Variants in CRIM1 observed in about 807,000 individuals in gnomAD.
The protein encoded by CRIM1 is cysteine rich transmembrane BMP regulator 1.
In CRIM1, 32 loss-of-function variants were observed where a neutral mutation model predicts 116.4. The observed-to-expected ratio is 0.27, with a 90% CI of 0.21 to 0.37. The LOEUF is 0.37. Among genes scored for constraint, CRIM1 ranks in the 10% least tolerant of loss-of-function variants. The probability of loss-of-function intolerance (pLI) is 1.00; values close to 1 mark genes in which losing one functional copy is unlikely to be tolerated. For synonymous variants in CRIM1, 590 were observed against 509.2 expected, an observed-to-expected ratio of 1.16 and a Z score of -2.13; for missense variants, 1,331 against 1,354.8, an observed-to-expected ratio of 0.98 and a Z score of 0.28.
intron 4 of CRIM1, among the ~76,000 whole-genome samples, chr2:36,455,044 G>A (rs1038643715): frequency 1.3e-5 from 2 of 152,170 alleles, no homozygotes; most frequent in African/African-American, 4.8e-5. Flanking sequence ...AAAAGGAAAC[G>A]ATCTGGGGAG....
intron 4 of CRIM1, among the ~76,000 whole-genome samples, chr2:36,458,465 G>T (rs1277778671): frequency 6.6e-6 from 1 of 152,148 alleles, no homozygotes; most frequent in African/African-American, 2.4e-5. Flanking sequence ...CTTGCGCTTA[G>T]TTATGTAGGG....
intron 8 of CRIM1, among the ~76,000 whole-genome samples, chr2:36,503,119 G>A (rs1681119372): frequency 6.6e-6 from 1 of 152,122 alleles, no homozygotes; most frequent in Non-Finnish European, 1.5e-5. Flanking sequence ...CCACACCTTT[G>A]GGATGTCAGT....
chr2:36,482,953 T>C (rs1679530891), intron 7 of CRIM1, among the ~76,000 whole-genome samples: 1 of 152,208 alleles, frequency 6.6e-6, no homozygotes, highest in Admixed American at 6.5e-5. Context: ...ACTAGGGACA[T>C]GAACCTGGGG....
At chr2:36,541,247 C>A (rs1043624028) in intron 14 of CRIM1, among the ~76,000 whole-genome samples, 1 of 152,158 alleles carries the variant, frequency 6.6e-6, no homozygotes. Context: ...TATACCATCT[C>A]AGAAATGATG....
rs963727026 is a variant in CRIM1, at chr2:36,395,526, A to G, written c.332-1088A>G. Reference sequence around the variant, plus strand: ...ATGGCCCAAGGATTCACAGAGAGAAATAGTCTAATTTCCTATGAGGAATAT... The same window carrying G: ...ATGGCCCAAGGATTCACAGAGAGAAGTAGTCTAATTTCCTATGAGGAATAT... On this transcript the variant is annotated intron_variant, in intron 1 of 16. Coordinates refer to ENST00000280527, the MANE Select transcript of CRIM1 (RefSeq NM_016441.3). Among the ~76,000 whole-genome samples the G allele has an allele frequency of 5.3e-5, 8 of 152,334 alleles. No individual in the cohort carries two copies. In the East Asian group the frequency reaches 1.5e-3, roughly 29 times the overall value.
intron 1 of CRIM1, among the ~76,000 whole-genome samples, chr2:36,393,153 T>C (rs1274074074): frequency 6.6e-6 from 1 of 152,204 alleles, no homozygotes; most frequent in Admixed American, 6.5e-5. Context: ...GGACTGTTGA[T>C]GCCAGCCAGG....
At chr2:36,475,165 T>G (rs1210324053) in intron 5 of CRIM1, among the ~76,000 whole-genome samples, 2 of 152,260 alleles carry the variant, frequency 1.3e-5, no homozygotes, top group African/African-American at 4.8e-5. Context: ...GAGATTGCAT[T>G]GAACATGTAG....
chr2:36,441,971 A>C (rs1250244221), intron 3 of CRIM1, among the ~76,000 whole-genome samples: 1 of 152,162 alleles, frequency 6.6e-6, no homozygotes, highest in Non-Finnish European at 1.5e-5. Flanking sequence ...ACTCAGCCCC[A>C]ATCTTTCTCT....
At chr2:36,398,896 A>G (rs558153925) in intron 2 of CRIM1, among the ~76,000 whole-genome samples, 1 of 152,352 alleles carries the variant, frequency 6.6e-6, no homozygotes, top group East Asian at 1.9e-4. Context: ...GTTAATAGTG[A>G]CAGAGACTTG....
chr2:36,392,491 A>G (rs1292851521), intron 1 of CRIM1, among the ~76,000 whole-genome samples: 2 of 151,744 alleles, frequency 1.3e-5, no homozygotes, highest in African/African-American at 4.8e-5. Flanking sequence ...ACCAGGAGCT[A>G]TGTTAGAGAA....
chr2:36,463,850 C>G (rs1035405260), intron 4 of CRIM1, among the ~76,000 whole-genome samples: 1 of 152,090 alleles, frequency 6.6e-6, no homozygotes, highest in African/African-American at 2.4e-5. Flanking sequence ...AGCTTAAGAT[C>G]CAAAAAATTA....
chr2:36,355,865 ACCGGCCCGGAGGCTGCGCCGCTGCGGGG>A lies in CRIM1; in HGVS notation c.-421_-394del, dbSNP rs1393794062. 6.7e-6 allele frequency: 1 copy of A among 150,360 alleles called. No individual in the cohort carries two copies. Among genetic ancestry groups the A allele is most frequent in the Non-Finnish European group, 1.5e-5 (1 of 67,668 alleles). 9.3% of individuals were successfully genotyped at this position (150,360 alleles called of 1,614,324 possible). On this transcript the variant is annotated 5_prime_UTR_variant, in exon 1 of 17. Coordinates refer to ENST00000280527, the MANE Select transcript of CRIM1 (RefSeq NM_016441.3). ...CCACTCGGCAGCTCGGGAGGCGGGG[ACCGGCCCGGAGGCTGCGCCGCTGCGGGG>A]CCGGCCGACTCGGAGGAGGAGAGGG...
At chr2:36,483,706 G>A (rs1470881437) in intron 7 of CRIM1, among the ~76,000 whole-genome samples, 1 of 152,186 alleles carries the variant, frequency 6.6e-6, no homozygotes, top group African/African-American at 2.4e-5. Flanking sequence ...TGATGTGTAA[G>A]TAGATGCTCA....
At chr2:36,457,421 A>G (rs1677221337) in intron 4 of CRIM1, among the ~76,000 whole-genome samples, 1 of 152,210 alleles carries the variant, frequency 6.6e-6, no homozygotes, top group South Asian at 2.1e-4. Flanking sequence ...TGAAGAAGGT[A>G]CAGTTTCTGC....
At chr2:36,500,508 G>C (rs1246925814) in intron 8 of CRIM1, among the ~76,000 whole-genome samples, 2 of 152,204 alleles carry the variant, frequency 1.3e-5, no homozygotes, top group South Asian at 4.1e-4. Context: ...TTCTGTAATA[G>C]AACGTTTGAT....
intron 5 of CRIM1, among the ~76,000 whole-genome samples, chr2:36,465,888 TC>T (rs1677966197): frequency 6.7e-6 from 1 of 149,784 alleles, no homozygotes; most frequent in Non-Finnish European, 1.5e-5. Flanking sequence ...TCTTTAGTAT[TC>T]TTTTTTTTTT....
intron 5 of CRIM1, among the ~76,000 whole-genome samples, chr2:36,473,176 T>A (rs530225069): frequency 1.3e-5 from 2 of 152,298 alleles, no homozygotes; most frequent in African/African-American, 4.8e-5. Context: ...ACAATGCAAA[T>A]GCAAATATCC....
chr2:36,392,489 C>G (rs1327523643), intron 1 of CRIM1, among the ~76,000 whole-genome samples: 1 of 151,440 alleles, frequency 6.6e-6, no homozygotes, highest in Non-Finnish European at 1.5e-5. Context: ...AAACCAGGAG[C>G]TATGTTAGAG....
intron 1 of CRIM1, among the ~76,000 whole-genome samples, chr2:36,388,594 G>T (rs1219068210): frequency 1.3e-5 from 2 of 152,128 alleles, no homozygotes; most frequent in Admixed American, 1.3e-4. Flanking sequence ...TGCCGTGAAT[G>T]AGTGACAGAG....
Sources: allele counts gnomAD v4.1 joint callset (sites outside exome capture counted in the v4.1 genomes callset), GRCh38; gene constraint gnomAD v4.1.1; transcripts MANE v1.5; gene names NCBI Gene and HGNC (gene_info 2026-07-23, HGNC 2026-07-21).